ITGB3: variants seen among roughly 807,000 people sequenced by gnomAD.
ITGB3 encodes integrin subunit beta 3.
ITGB3 carries 48 observed loss-of-function variants against 85.8 expected under a neutral mutation model. The observed-to-expected ratio is 0.56, with a 90% confidence interval of 0.44 to 0.71. ITGB3 has a LOEUF of 0.71. ITGB3 is among the 30% of genes least tolerant of loss of function. ITGB3 has a pLI of 0.00. For synonymous variants in ITGB3, 363 were observed against 395.6 expected (o/e 0.92, Z 0.98); for missense variants, 861 against 1,019.1 (o/e 0.84, Z 2.11).
chr17:47,268,261 C>T (rs1008924988), intron 1 of ITGB3, among the ~76,000 whole-genome samples: 3 of 152,152 alleles, frequency 2.0e-5, no homozygotes, highest in African/African-American at 7.2e-5. Context: ...ACCCCAACCC[C>T]TCCCAAATCT....
intron 10 of ITGB3, among the ~76,000 whole-genome samples, chr17:47,293,672 G>A (rs140983439): frequency 2.6e-4 from 40 of 151,920 alleles, no homozygotes; most frequent in Admixed American, 3.9e-4. Context: ...GCAGTGGTGC[G>A]ATATTGGCTC....
chr17:47,263,722 T>G (rs1598678992), intron 1 of ITGB3, among the ~76,000 whole-genome samples: 1 of 152,146 alleles, frequency 6.6e-6, no homozygotes, highest in African/African-American at 2.4e-5. Context: ...ACTCCTGACC[T>G]CAGGTGATCT....
At chr17:47,300,355 G>A in intron 11 of ITGB3, 123 bp from the exon 12 acceptor site, 1 of 743,508 alleles carries the variant, frequency 1.3e-6, no homozygotes, top group Admixed American at 2.0e-5. Context: ...GCGTGTGTGT[G>A]TGTGTGTGTG....
chr17:47,287,351 C>T lies in ITGB3; in HGVS notation c.939+120C>T, dbSNP rs749656346. 164 of 1,146,864 alleles carry T rather than the reference C, an allele frequency of 1.4e-4. 2 individuals carry two copies. Among genetic ancestry groups the T allele is most frequent in the Admixed American group, 1.3e-3 (68 of 53,608 alleles). 71.0% of individuals were successfully genotyped at this position (1,146,864 alleles called of 1,614,324 possible). ...CTCCTTCTGGGCAGGGTGCAGGGCT[C>T]GGTTCCAGCTTGCCCCTATCCCTTA... On this transcript the variant is annotated intron_variant, in intron 6 of 14. Transcript: ENST00000559488.
rs1374648374 is a variant in ITGB3, at chr17:47,292,186, G to A, written c.1308G>A (p.Lys436=). The A allele has an allele frequency of 3.7e-6, 6 of 1,614,232 alleles. No individual in the cohort carries two copies. The South Asian group carries it at 6.6e-5, about 18-fold the overall frequency. Residue 436 remains lysine (K), a synonymous_variant, in exon 10 of 15, where the codon AAG becomes AAA. Transcript: ENST00000559488. ...AGGTGCGAGGCTGTCCCCAGGAGAA[G>A]GAGAAGTCCTTTACCATAAAGCCCG... ...EAKVRGCPQE[K]EKSFTIKPVG... is the part of the protein sequence containing the mutation.
chr17:47,266,779 A>C (rs1198302763), intron 1 of ITGB3, among the ~76,000 whole-genome samples: 1 of 152,054 alleles, frequency 6.6e-6, no homozygotes, highest in Non-Finnish European at 1.5e-5. Flanking sequence ...TGGGGGTCTC[A>C]CTATGTTGCC....
intron 13 of ITGB3, among the ~76,000 whole-genome samples, chr17:47,306,426 C>T (rs142658471): frequency 6.6e-6 from 1 of 152,260 alleles, no homozygotes; most frequent in Non-Finnish European, 1.5e-5. Flanking sequence ...AGGCATATGC[C>T]ACAATGCCTG....
rs2143130809 is a variant in ITGB3 at position 47,299,761 on chromosome 17, T to C, written c.1913+231T>C. Among the ~76,000 whole-genome samples the C allele has an allele frequency of 6.6e-6, 1 of 152,282 alleles. No individual in the cohort carries two copies. The highest frequency in any genetic ancestry group is 1.5e-5 in the Non-Finnish European group (1 of 68,018). On this transcript the variant is annotated intron_variant, in intron 11 of 14. Coordinates refer to ENST00000559488, the MANE Select transcript of ITGB3 (RefSeq NM_000212.3). This position sits in a 1 kb window ranked among gnomAD's most constrained non-coding sequence, Gnocchi z 5.1. ...AGCTGGACTTCGATTGAGAATGTCCTCTCCTAGGGTGACATCCTGACTCCC... is the reference window on the plus strand; with the variant it reads ...AGCTGGACTTCGATTGAGAATGTCCCCTCCTAGGGTGACATCCTGACTCCC...
intron 14 of ITGB3, 62 bp downstream of exon 14, chr17:47,307,699 C>T: frequency 1.3e-6 from 2 of 1,522,170 alleles, no homozygotes; most frequent in Non-Finnish European, 1.8e-6. Flanking sequence ...GTGGAAGCAG[C>T]AGATGCTTTG....
chr17:47,268,155 C>G (rs1295216251), intron 1 of ITGB3, among the ~76,000 whole-genome samples: 1 of 152,158 alleles, frequency 6.6e-6, no homozygotes, highest in Non-Finnish European at 1.5e-5. Flanking sequence ...TCAATTACCT[C>G]CCATCAGGTC....
At chr17:47,304,941 A>G (rs1047448596) in intron 13 of ITGB3, among the ~76,000 whole-genome samples, 1 of 152,046 alleles carries the variant, frequency 6.6e-6, no homozygotes, top group African/African-American at 2.4e-5. Flanking sequence ...TGAATCTGCC[A>G]ACCCTACCCA....
intron 10 of ITGB3, among the ~76,000 whole-genome samples, chr17:47,298,368 C>A (rs1192662108): frequency 6.6e-6 from 1 of 152,094 alleles, no homozygotes; most frequent in Non-Finnish European, 1.5e-5. Flanking sequence ...CACTGGCCCT[C>A]GGCAGTCTGG....
intron 7 of ITGB3, among the ~76,000 whole-genome samples, 155 bp downstream of exon 7, chr17:47,289,931 C>T (rs907392539): frequency 6.6e-6 from 1 of 152,160 alleles, no homozygotes; most frequent in African/African-American, 2.4e-5. Flanking sequence ...GGCCTTTTTC[C>T]TGCAATCTTG....
intron 1 of ITGB3, among the ~76,000 whole-genome samples, chr17:47,267,030 A>C (rs2065028041): frequency 6.6e-6 from 1 of 152,214 alleles, no homozygotes; most frequent in African/African-American, 2.4e-5. Context: ...TGATGTCATC[A>C]AGGAAAAAAA....
At chr17:47,253,985 C>A (rs1338303685) in intron 1 of ITGB3, 45 bp downstream of exon 1, 1 of 1,253,760 alleles carries the variant, frequency 8.0e-7, no homozygotes, top group East Asian at 3.1e-5. Context: ...GCCCCAGGAT[C>A]TGCGCCCCGG....
At chr17:47,256,902 A>G (rs62074395) in intron 1 of ITGB3, among the ~76,000 whole-genome samples, 17,452 of 152,186 alleles carry the variant, frequency 0.11, 1,189 homozygotes, top group Middle Eastern at 0.16. Context: ...TCCTGGAGAA[A>G]CACAGCAGGA....
intron 1 of ITGB3, among the ~76,000 whole-genome samples, chr17:47,260,651 G>A (rs2065005834): frequency 6.6e-6 from 1 of 152,176 alleles, no homozygotes; most frequent in East Asian, 1.9e-4. Flanking sequence ...CTTTGCTGGA[G>A]CCGCCTGCAA....
intron 1 of ITGB3, among the ~76,000 whole-genome samples, chr17:47,259,987 T>G (rs887164702): frequency 1.3e-5 from 2 of 152,226 alleles, no homozygotes; most frequent in Non-Finnish European, 2.9e-5. Context: ...AAATTGCTGG[T>G]TCCCTTCTAA....
intron 1 of ITGB3, among the ~76,000 whole-genome samples, chr17:47,271,737 G>A (rs938305396): frequency 6.6e-6 from 1 of 152,106 alleles, no homozygotes; most frequent in Non-Finnish European, 1.5e-5. Context: ...GGCTTAAACA[G>A]CAAACACTTA....
Sources: allele counts gnomAD v4.1 joint callset (sites outside exome capture counted in the v4.1 genomes callset), GRCh38; gene constraint gnomAD v4.1.1; non-coding constraint Gnocchi (gnomAD v3.1); transcripts MANE v1.5; gene names NCBI Gene and HGNC (gene_info 2026-07-23, HGNC 2026-07-21).